IL17RB: variants seen among roughly 807,000 people sequenced by gnomAD.
IL17RB encodes the protein interleukin 17 receptor B, also known as interleukin-17 receptor B.
Under a neutral mutation model 43.9 loss-of-function variants are expected in IL17RB, and 36 were observed. The ratio of observed to expected loss-of-function variants is 0.82; its 90% CI spans 0.63 to 1.08. The LOEUF is 1.08. Among genes scored for constraint, IL17RB ranks in the 50% least tolerant of loss-of-function variants. The probability of loss-of-function intolerance (pLI) is 0.00; values close to 1 mark genes in which losing one functional copy is unlikely to be tolerated. For synonymous variants in IL17RB, 225 were observed against 225.4 expected (o/e 1.00, Z 0.02); for missense variants, 613 against 613.6 (o/e 1.00, Z 0.01).
rs773244692 is a variant in IL17RB, at chr3:53,852,855, T to C, written c.355-16T>C. On this transcript the variant is annotated splice_polypyrimidine_tract_variant and intron_variant, in intron 4 of 10. Coordinates refer to ENST00000288167, the MANE Select transcript of IL17RB (RefSeq NM_018725.4). ...CAGTGTTTTGGGAATTGAGAGTTCC[T>C]TGCTTTGCCTTTCAGTGGACATTTT... The C allele has an allele frequency of 1.2e-6, 2 of 1,612,982 alleles. No individual in the cohort carries two copies. Among genetic ancestry groups the C allele is most frequent in the South Asian group, 1.1e-5 (1 of 91,050 alleles).
intron 10 of IL17RB, among the ~76,000 whole-genome samples, chr3:53,863,023 A>C (rs926429312): frequency 2.6e-5 from 4 of 152,216 alleles, no homozygotes; most frequent in Admixed American, 6.5e-5. Flanking sequence ...TGATGACAAG[A>C]ATAAAGACCT....
intron 6 of IL17RB, among the ~76,000 whole-genome samples, chr3:53,855,884 G>A (rs1220252272): frequency 6.6e-6 from 1 of 152,184 alleles, no homozygotes; most frequent in Non-Finnish European, 1.5e-5. Flanking sequence ...GAATTTTGTA[G>A]TAATCCCCTT....
At chr3:53,848,628 G>A in intron 1 of IL17RB, 36 bp from the exon 2 acceptor site, 13 of 1,550,360 alleles carry the variant, frequency 8.4e-6, no homozygotes, top group Non-Finnish European at 1.1e-5. Flanking sequence ...TGGTTTGCCG[G>A]CTTCAACGTG....
chr3:53,859,371 CA>C (rs1267600663), intron 9 of IL17RB: 1 of 152,332 alleles, frequency 6.6e-6, no homozygotes, highest in African/African-American at 2.4e-5. Context: ...CACAACAGTC[CA>C]GGGGTGGGGT....
chr3:53,857,453 A>T (rs568571114), intron 7 of IL17RB, among the ~76,000 whole-genome samples, 163 bp from the exon 8 acceptor site: 1 of 152,048 alleles, frequency 6.6e-6, no homozygotes, highest in Non-Finnish European at 1.5e-5. Flanking sequence ...TGCCGAGCTA[A>T]TTTTTTCATC....
Position 53,849,239 on chromosome 3 carries a change from C to T in IL17RB, c.86-416C>T, listed in dbSNP as rs28385738. Among the ~76,000 whole-genome samples the T allele has an allele frequency of 6.7e-3, 1,027 of 152,330 alleles. 17 individuals carry two copies. Among genetic ancestry groups the T allele is most frequent in the African/African-American group, 0.023 (976 of 41,568 alleles). On this transcript the variant is annotated intron_variant, in intron 2 of 10. Coordinates refer to ENST00000288167, the MANE Select transcript of IL17RB (RefSeq NM_018725.4). Reference sequence around the variant, plus strand: ...ACATGTCAAATACACTAAATATATACATGTGTACATACACAGGTACCTGGA... The same window carrying T: ...ACATGTCAAATACACTAAATATATATATGTGTACATACACAGGTACCTGGA...
At chr3:53,847,565 G>A (rs1265044899) in intron 1 of IL17RB, among the ~76,000 whole-genome samples, 3 of 151,810 alleles carry the variant, frequency 2.0e-5, no homozygotes, top group East Asian at 3.9e-4. Flanking sequence ...AGGCTGAGGC[G>A]GCCGGATTGC....
At chr3:53,851,888 T>G (rs896303072) in intron 3 of IL17RB, 111 bp from the exon 4 acceptor site, 1 of 1,258,414 alleles carries the variant, frequency 7.9e-7, no homozygotes, top group Non-Finnish European at 1.1e-6. Flanking sequence ...TCAGTACTAT[T>G]GTGAATATGA....
chr3:53,847,739 A>G (rs1259477214), intron 1 of IL17RB, among the ~76,000 whole-genome samples: 3 of 151,898 alleles, frequency 2.0e-5, no homozygotes, highest in Non-Finnish European at 4.4e-5. Flanking sequence ...GGTTGCAGTG[A>G]GCCGAGATCT....
intron 3 of IL17RB, among the ~76,000 whole-genome samples, chr3:53,851,771 C>T (rs1481952173): frequency 1.3e-5 from 2 of 152,144 alleles, no homozygotes; most frequent in East Asian, 1.9e-4. Flanking sequence ...AATCTGAATT[C>T]GTATCTGCTA....
rs1437102933 is a variant in IL17RB at position 53,857,667 on chromosome 3, G to T, written c.724G>T (p.Asp242Tyr). The T allele has an allele frequency of 3.1e-6, 5 of 1,614,052 alleles. No individual in the cohort carries two copies. The highest frequency in any genetic ancestry group is 2.7e-5 in the African/African-American group (2 of 74,940). Residue 242 changes from aspartate to tyrosine, a missense_variant, in exon 8 of 11, where the codon GAT becomes TAT. Asp to Tyr is a radical substitution (Grantham distance 160). Transcript: ENST00000288167. ...RASVVIPVTG[D>Y]SEGATVQLTP... ...TTCAGTGGTGATTCCAGTGACTGGGGATAGTGAAGGTGCTACGGTGCAGGT... is the reference window on the plus strand; with the variant it reads ...TTCAGTGGTGATTCCAGTGACTGGGTATAGTGAAGGTGCTACGGTGCAGGT...
intron 3 of IL17RB, 120 bp downstream of exon 3, chr3:53,849,915 A>C: frequency 2.2e-6 from 2 of 916,494 alleles, no homozygotes; most frequent in Non-Finnish European, 3.2e-6. Context: ...GCATACACGC[A>C]CCAAAAGCCA....
chr3:53,864,129 G>A (rs1699680842), intron 10 of IL17RB, among the ~76,000 whole-genome samples: 1 of 152,152 alleles, frequency 6.6e-6, no homozygotes, highest in Non-Finnish European at 1.5e-5. Context: ...GGCCAACAAA[G>A]TATCTTAAAC....
intron 1 of IL17RB, 147 bp downstream of exon 1, chr3:53,846,795 G>C (rs1698920051): frequency 7.5e-6 from 6 of 804,720 alleles, no homozygotes; most frequent in African/African-American, 1.8e-5. Context: ...GGCAGCCCCG[G>C]ACATCGGCGT....
chr3:53,859,374 G>C (rs1219927708), intron 9 of IL17RB: 4 of 152,378 alleles, frequency 2.6e-5, no homozygotes, highest in Admixed American at 6.5e-5. Context: ...AACAGTCCAG[G>C]GGTGGGGTCA....
intron 5 of IL17RB, among the ~76,000 whole-genome samples, chr3:53,853,952 A>C (rs1173283221): frequency 6.6e-6 from 1 of 151,982 alleles, no homozygotes; most frequent in East Asian, 1.9e-4. Context: ...GCTGGAGTGC[A>C]GTGGCACCAT....
intron 4 of IL17RB, 27 bp from the exon 5 acceptor site, chr3:53,852,844 T>C (rs771918228): frequency 6.2e-7 from 1 of 1,611,116 alleles, no homozygotes; most frequent in Non-Finnish European, 8.5e-7. Context: ...GTTTTGGGAA[T>C]TGAGAGTTCC....
intron 8 of IL17RB, chr3:53,858,484 A>G: frequency 7.3e-7 from 1 of 1,376,332 alleles, no homozygotes; most frequent in Non-Finnish European, 9.4e-7. Flanking sequence ...TATGTTAGTA[A>G]CGTGTACAAA....
chr3:53,856,706 A>T, intron 6 of IL17RB, 138 bp from the exon 7 acceptor site: 1 of 760,040 alleles, frequency 1.3e-6, no homozygotes, highest in South Asian at 1.8e-5. Context: ...AATGATAAAA[A>T]GTTCACTATG....
Sources: allele counts gnomAD v4.1 joint callset (sites outside exome capture counted in the v4.1 genomes callset), GRCh38; gene constraint gnomAD v4.1.1; transcripts MANE v1.5; gene names NCBI Gene and HGNC (gene_info 2026-07-23, HGNC 2026-07-21).